The following AKAP6 variants were observed in gnomAD, a reference collection of about 807,000 sequenced individuals.
AKAP6 encodes A-kinase anchor protein 6.
AKAP6 carries 58 observed loss-of-function variants against 188.5 expected under a neutral mutation model. That is an observed-to-expected ratio of 0.31 (90% confidence interval 0.25 to 0.38). AKAP6 has a LOEUF of 0.38. Ranked by LOEUF, AKAP6 falls within the 10% of genes least tolerant of loss-of-function variation. The pLI is 1.00. For missense variants in AKAP6, 2,710 were observed against 2,740.0 expected (o/e 0.99, Z 0.24); for synonymous variants, 989 against 998.6 (o/e 0.99, Z 0.18).
At position 32,835,439 on chromosome 14, in the gene AKAP6, C is replaced by T. The variant is rs564964488; in HGVS notation, c.*5634C>T. The stretch of plus-strand genomic sequence containing the variant: ...ATTGATTTAGAGGGTTAGTCAATTA[C>T]AGACTAAATAATTAGTTCAATCAAA... On this transcript the variant is annotated 3_prime_UTR_variant, in exon 14 of 14. Coordinates refer to ENST00000280979, the MANE Select transcript of AKAP6 (RefSeq NM_004274.5). 4.6e-5 allele frequency: 7 copies of T among 152,310 alleles called. No individual in the cohort carries two copies. Among genetic ancestry groups the T allele is most frequent in the Admixed American group, 2.0e-4 (3 of 15,296 alleles). The allele number at this position is 152,310 out of a possible 1,614,324, so 9.4% of individuals were successfully genotyped here.
intron 12 of AKAP6, among the ~76,000 whole-genome samples, chr14:32,806,009 C>T (rs1261855638): frequency 2.0e-5 from 3 of 152,190 alleles, no homozygotes; most frequent in African/African-American, 4.8e-5. Flanking sequence ...TAATGTATCA[C>T]TGCTGATTAT....
chr14:32,383,697 T>C (rs3784179), intron 1 of AKAP6, among the ~76,000 whole-genome samples: 10,840 of 152,254 alleles, frequency 0.071, 598 homozygotes, highest in South Asian at 0.26. Context: ...TGCTTTTCCT[T>C]GGTTGATCTC....
intron 2 of AKAP6, among the ~76,000 whole-genome samples, chr14:32,514,366 A>T (rs564846887): frequency 6.6e-6 from 1 of 152,294 alleles, no homozygotes; most frequent in East Asian, 1.9e-4. Flanking sequence ...GTGGATATTT[A>T]TTTATGTGGG....
chr14:32,725,965 A>G (rs2030851669), intron 9 of AKAP6, among the ~76,000 whole-genome samples: 1 of 152,286 alleles, frequency 6.6e-6, no homozygotes, highest in East Asian at 1.9e-4. Context: ...GTAGATCAGG[A>G]TTTTTAAAAA....
At chr14:32,438,329 C>T (rs1890456592) in intron 2 of AKAP6, among the ~76,000 whole-genome samples, 1 of 152,142 alleles carries the variant, frequency 6.6e-6, no homozygotes, top group African/African-American at 2.4e-5. Context: ...TGTTGTACTC[C>T]TTCTTTGGTA....
At chr14:32,778,886 A>G (rs111879899) in intron 12 of AKAP6, among the ~76,000 whole-genome samples, 1,825 of 149,412 alleles carry the variant, frequency 0.012, 17 homozygotes, top group Middle Eastern at 0.054. Flanking sequence ...TATAATGAGT[A>G]GGCCAACAGA....
chr14:32,678,876 T>C (rs12882674), intron 8 of AKAP6, among the ~76,000 whole-genome samples: 37,654 of 152,120 alleles, frequency 0.25, 5,725 homozygotes, highest in South Asian at 0.4. Context: ...TTTTCCTGAA[T>C]AGTGTAGAAA....
chr14:32,547,093 T>C, intron 4 of AKAP6, 94 bp downstream of exon 4: 2 of 1,177,342 alleles, frequency 1.7e-6, no homozygotes, highest in Admixed American at 2.4e-5. Context: ...TTATAAAATG[T>C]ATGGCTATTT....
intron 7 of AKAP6, among the ~76,000 whole-genome samples, chr14:32,627,259 G>C (rs17099373): frequency 0.024 from 3,619 of 152,082 alleles, 152 homozygotes; most frequent in African/African-American, 0.083. Flanking sequence ...AATAATCAGC[G>C]TGAAAATCAG....
At chr14:32,704,771 G>A (rs552504449) in intron 9 of AKAP6, among the ~76,000 whole-genome samples, 1 of 152,124 alleles carries the variant, frequency 6.6e-6, no homozygotes, top group East Asian at 1.9e-4. Context: ...TAAATGATAG[G>A]CTTAATGTTC....
chr14:32,755,451 A>G (rs1223985454), intron 11 of AKAP6, among the ~76,000 whole-genome samples: 3 of 151,140 alleles, frequency 2.0e-5, no homozygotes, highest in South Asian at 2.1e-4. Flanking sequence ...TAGTTTTGTT[A>G]GTTGTTTGTT....
intron 1 of AKAP6, among the ~76,000 whole-genome samples, chr14:32,379,394 G>A (rs1169067326): frequency 6.6e-6 from 1 of 152,100 alleles, no homozygotes; most frequent in Non-Finnish European, 1.5e-5. Flanking sequence ...CTATTCTGCT[G>A]TCTTATTTTA....
intron 4 of AKAP6, among the ~76,000 whole-genome samples, chr14:32,559,382 A>G (rs760249467): frequency 4.6e-5 from 7 of 152,244 alleles, no homozygotes; most frequent in Non-Finnish European, 1.0e-4. Context: ...TTTTAAAAAG[A>G]AGGAAGAAAT....
chr14:32,585,796 G>A lies in AKAP6; in HGVS notation c.2469+8554G>A, dbSNP rs151041438. Among the ~76,000 whole-genome samples, 383 of 152,242 alleles carry A rather than the reference G, an allele frequency of 2.5e-3. 1 individual carries two copies. Among genetic ancestry groups the A allele is most frequent in the African/African-American group, 9.0e-3 (375 of 41,534 alleles). On this transcript the variant is annotated intron_variant, in intron 5 of 13. Coordinates refer to ENST00000280979, the MANE Select transcript of AKAP6 (RefSeq NM_004274.5). ...TTGATATAGACCTCAAAGGCCATAT[G>A]TAATTTTGTTAGGGAAGGGAGGATG...
chr14:32,675,355 A>G (rs571122188), intron 7 of AKAP6, among the ~76,000 whole-genome samples: 1 of 152,326 alleles, frequency 6.6e-6, no homozygotes, highest in Non-Finnish European at 1.5e-5. Context: ...TGCATCTTAA[A>G]TATTATTTAA....
At chr14:32,501,064 T>C (rs564045634) in intron 2 of AKAP6, among the ~76,000 whole-genome samples, 1 of 152,110 alleles carries the variant, frequency 6.6e-6, no homozygotes, top group Non-Finnish European at 1.5e-5. Flanking sequence ...AGCAACCCTG[T>C]CCAATAAAAA....
At chr14:32,477,023 A>C (rs1322013550) in intron 2 of AKAP6, among the ~76,000 whole-genome samples, 2 of 152,194 alleles carry the variant, frequency 1.3e-5, no homozygotes, top group Admixed American at 1.3e-4. Flanking sequence ...CTTTATCTAA[A>C]AATTTGTGAT....
chr14:32,483,456 A>G (rs1398035626), intron 2 of AKAP6, among the ~76,000 whole-genome samples: 1 of 151,752 alleles, frequency 6.6e-6, no homozygotes, highest in Non-Finnish European at 1.5e-5. Flanking sequence ...TTTTTCTCTT[A>G]TAGGTTTTGT....
intron 7 of AKAP6, among the ~76,000 whole-genome samples, chr14:32,609,712 G>A (rs1199330923): frequency 1.3e-5 from 2 of 152,046 alleles, no homozygotes; most frequent in Non-Finnish European, 2.9e-5. Context: ...AGAGAGTGAA[G>A]GAACAGAGGA....
Sources: allele counts gnomAD v4.1 joint callset (sites outside exome capture counted in the v4.1 genomes callset), GRCh38; gene constraint gnomAD v4.1.1; transcripts MANE v1.5; gene names NCBI Gene and HGNC (gene_info 2026-07-23, HGNC 2026-07-21).